The following EFTUD2 variants were observed in gnomAD, a reference collection of about 807,000 sequenced individuals.
The protein encoded by EFTUD2 is elongation factor Tu GTP binding domain containing 2.
Under a neutral mutation model 114.3 loss-of-function variants are expected in EFTUD2, and 9 were observed. The observed-to-expected ratio is 0.08, with a 90% confidence interval of 0.05 to 0.14. The LOEUF is 0.14. Ranked by LOEUF, EFTUD2 falls within the 10% of genes least tolerant of loss-of-function variation. The pLI is 1.00. For missense variants in EFTUD2, 765 were observed against 1,241.2 expected (o/e 0.62, Z 5.76); for synonymous variants, 449 against 462.3 (o/e 0.97, Z 0.37).
rs1314700396 is a variant in EFTUD2 at position 44,851,800 on chromosome 17, G to A, written c.2733C>T (p.Pro911=). Residue 911 remains proline (P), a synonymous_variant, in exon 27 of 28, where the codon CCC becomes CCT. Coordinates refer to ENST00000426333, the MANE Select transcript of EFTUD2 (RefSeq NM_004247.4). The part of the protein sequence containing the change: ...FHHWQIVPGD[P]LDKSIVIRPL... ...GGCGGATGACAATGCTCTTGTCCAG[G>A]GGATCACCAGGCACAATCTAAAAGG... 1.2e-6 allele frequency: 2 copies of A among 1,609,490 alleles called. No individual in the cohort carries two copies. The highest frequency in any genetic ancestry group is 1.3e-5 in the African/African-American group (1 of 74,704).
chr17:44,890,974 C>T (rs8067833), intron 2 of EFTUD2, among the ~76,000 whole-genome samples: 23,015 of 151,922 alleles, frequency 0.15, 1,949 homozygotes, highest in Middle Eastern at 0.28. Flanking sequence ...TTAATTACGG[C>T]GAGGGAAGGC....
At chr17:44,897,479 G>GA (rs1249602309) in intron 1 of EFTUD2, among the ~76,000 whole-genome samples, 10 of 152,224 alleles carry the variant, frequency 6.6e-5, no homozygotes, top group African/African-American at 2.4e-4. Flanking sequence ...TTTAGAGCAA[G>GA]AGTTGACAAA....
chr17:44,859,674 AC>A (rs147490132), intron 18 of EFTUD2: 6 of 605,384 alleles, frequency 9.9e-6, no homozygotes, highest in South Asian at 2.0e-5. Context: ...CTTGTCCTAT[AC>A]CCCCCATCAC....
chr17:44,853,194 G>A (rs1241953483), intron 25 of EFTUD2, 102 bp downstream of exon 25: 1 of 1,206,702 alleles, frequency 8.3e-7, no homozygotes, highest in Non-Finnish European at 1.2e-6. Context: ...TCCAGAGAGA[G>A]GAGGGTAGAG....
chr17:44,853,897 C>T (rs1051653564), intron 23 of EFTUD2: 17 of 1,374,386 alleles, frequency 1.2e-5, no homozygotes, highest in African/African-American at 2.9e-5. Context: ...TTCTTCTGCA[C>T]ATATTTACAT....
chr17:44,875,798 C>T, intron 10 of EFTUD2, 136 bp downstream of exon 10: 1 of 1,019,356 alleles, frequency 9.8e-7, no homozygotes, highest in Non-Finnish European at 1.5e-6. Flanking sequence ...TGCAGAGTCC[C>T]AGGATGTGCC....
intron 11 of EFTUD2, 138 bp downstream of exon 11, chr17:44,872,308 C>A (rs2050869485): frequency 8.5e-7 from 1 of 1,180,034 alleles, no homozygotes; most frequent in Non-Finnish European, 1.2e-6. Flanking sequence ...CACAAAGACC[C>A]CCAAATGTGA....
intron 4 of EFTUD2, 39 bp downstream of exon 4, chr17:44,885,217 A>G (rs1337970724): frequency 1.3e-6 from 2 of 1,536,358 alleles, no homozygotes; most frequent in South Asian, 1.1e-5. Flanking sequence ...ATGAACCCAC[A>G]GCATTCCTGC....
intron 4 of EFTUD2, chr17:44,884,043 G>C (rs891655401): frequency 6.5e-6 from 2 of 308,910 alleles, no homozygotes; most frequent in Non-Finnish European, 1.3e-5. Context: ...GAGGTGGGTG[G>C]ATTACCTGAG....
At chr17:44,856,631 A>T (rs2145445734) in intron 20 of EFTUD2, among the ~76,000 whole-genome samples, 1 of 152,288 alleles carries the variant, frequency 6.6e-6, no homozygotes, top group East Asian at 1.9e-4. Flanking sequence ...TGAGCCCAAA[A>T]GTCCAAGACC....
chr17:44,864,473 T>C (rs1405231370), intron 14 of EFTUD2, among the ~76,000 whole-genome samples: 2 of 152,194 alleles, frequency 1.3e-5, no homozygotes, highest in African/African-American at 2.4e-5. Context: ...GGTCATCTCA[T>C]GGAATGGCCA....
chr17:44,894,684 A>C (rs2051345805), intron 1 of EFTUD2, among the ~76,000 whole-genome samples, 159 bp from the exon 2 acceptor site: 2 of 152,206 alleles, frequency 1.3e-5, no homozygotes, highest in South Asian at 4.1e-4. Flanking sequence ...CCCAAAGCCC[A>C]GTACTTTCCC....
At position 44,895,746 on chromosome 17, in the gene EFTUD2, T is replaced by C. The variant is rs1446449426; in HGVS notation, c.-4-1221A>G. The stretch of plus-strand genomic sequence containing the variant: ...CAATACAACCATCAAAATCAGAAAA[T>C]TGATATTCACACATTACTACCACCT... On this transcript the variant is annotated intron_variant, in intron 1 of 27. Transcript: ENST00000426333. 6 of 152,238 alleles carry C rather than the reference T, an allele frequency of 3.9e-5. No homozygotes were observed. The South Asian group carries it at 6.2e-4, about 16-fold the overall frequency. 9.4% of individuals were successfully genotyped at this position (152,238 alleles called of 1,614,324 possible).
At chr17:44,895,426 G>A (rs1209614088) in intron 1 of EFTUD2, among the ~76,000 whole-genome samples, 1 of 151,728 alleles carries the variant, frequency 6.6e-6, no homozygotes, top group African/African-American at 2.4e-5. Flanking sequence ...AACCCAGGGG[G>A]TGGAGGTTGC....
At chr17:44,860,177 T>TG (rs1447539411) in intron 17 of EFTUD2, 132 bp from the exon 18 acceptor site, 1 of 1,330,848 alleles carries the variant, frequency 7.5e-7, no homozygotes, top group South Asian at 1.3e-5. Context: ...TGGTGCTGAG[T>TG]GGGGGTAACC....
Position 44,892,907 on chromosome 17 carries a change from C to T in EFTUD2, c.105+1510G>A, listed in dbSNP as rs192514620. On this transcript the variant is annotated intron_variant, in intron 2 of 27. Transcript: ENST00000426333. ...CCTCCCAAAATGCTGGAATTACAGG[C>T]GTAAGCCACCACACCTGACTGTAAA... 2.9e-3 allele frequency among the ~76,000 whole-genome samples: 433 copies of T among 151,678 alleles called. 1 individual carries two copies. Among genetic ancestry groups the T allele is most frequent in the Non-Finnish European group, 3.7e-3 (250 of 67,946 alleles).
At chr17:44,879,305 C>T (rs533371407) in intron 9 of EFTUD2, among the ~76,000 whole-genome samples, 42 of 152,250 alleles carry the variant, frequency 2.8e-4, no homozygotes, top group Non-Finnish European at 4.7e-4. Context: ...AGGCTGGTCT[C>T]GAACTCCTGA....
At chr17:44,866,579 A>C (rs1459038800) in intron 13 of EFTUD2, among the ~76,000 whole-genome samples, 1 of 151,942 alleles carries the variant, frequency 6.6e-6, no homozygotes, top group Non-Finnish European at 1.5e-5. Flanking sequence ...GGGTCTTGCC[A>C]TGTTGCCCAG....
chr17:44,878,049 T>C (rs564533112), intron 9 of EFTUD2, among the ~76,000 whole-genome samples: 4 of 151,772 alleles, frequency 2.6e-5, no homozygotes, highest in African/African-American at 4.8e-5. Flanking sequence ...GACAGGAGAA[T>C]TGCTTGAACC....
Sources: gnomAD v4.1 joint callset for allele counts (sites outside exome capture counted in the v4.1 genomes callset) on GRCh38, gnomAD v4.1.1 for gene constraint, MANE v1.5 for transcripts, NCBI Gene and HGNC (gene_info 2026-07-23, HGNC 2026-07-21) for gene names.